CACNA1C: variants seen among roughly 807,000 people sequenced by gnomAD.
CACNA1C encodes voltage-dependent L-type calcium channel subunit alpha-1C.
In CACNA1C, 30 loss-of-function variants were observed where a neutral mutation model predicts 229.0. The observed-to-expected ratio is 0.13, with a 90% CI of 0.10 to 0.18. The LOEUF (loss-of-function observed/expected upper bound fraction) is 0.18, where lower values mean the gene tolerates loss of function less well. Among genes scored for constraint, CACNA1C ranks in the 10% least tolerant of loss-of-function variants. The pLI is 1.00. For synonymous variants in CACNA1C, 1,114 were observed against 1,132.5 expected, an observed-to-expected ratio of 0.98 and a Z score of 0.33; for missense variants, 1,658 against 2,845.0, an observed-to-expected ratio of 0.58 and a Z score of 9.49.
At chr12:2,109,212 C>T (rs2080580777) in intron 1 of CACNA1C, among the ~76,000 whole-genome samples, 2 of 152,180 alleles carry the variant, frequency 1.3e-5, no homozygotes, top group South Asian at 4.1e-4. Context: ...CCTTTTCCTA[C>T]TCACGGCTGA....
At chr12:2,151,977 AC>A (rs1203911461) in intron 3 of CACNA1C, among the ~76,000 whole-genome samples, 1 of 152,356 alleles carries the variant, frequency 6.6e-6, no homozygotes, top group African/African-American at 2.4e-5. Flanking sequence ...TGGATGACTT[AC>A]AGTCAGCCTA....
intron 11 of CACNA1C, among the ~76,000 whole-genome samples, chr12:2,559,454 G>T (rs1416251821): frequency 6.6e-6 from 1 of 152,216 alleles, no homozygotes; most frequent in Admixed American, 6.5e-5. Context: ...TAAACCTCTG[G>T]AGTCTCCCTC....
chr12:2,604,628 C>T (rs1001331605), intron 22 of CACNA1C, among the ~76,000 whole-genome samples: 4 of 152,152 alleles, frequency 2.6e-5, no homozygotes, highest in Non-Finnish European at 5.9e-5. Flanking sequence ...CTTATTTAAC[C>T]CTTGCAAAGA....
intron 3 of CACNA1C, among the ~76,000 whole-genome samples, chr12:2,444,019 A>G (rs1469609229): frequency 6.6e-6 from 1 of 152,186 alleles, no homozygotes; most frequent in South Asian, 2.1e-4. Context: ...ACGTTTCAAC[A>G]ATAGGCAGCT....
chr12:2,638,696 AAC>A (rs796834276), intron 30 of CACNA1C, among the ~76,000 whole-genome samples: 48 of 152,338 alleles, frequency 3.2e-4, no homozygotes, highest in African/African-American at 1.1e-3. Flanking sequence ...AAGCAAAATT[AAC>A]AGTGTTTCCT....
chr12:2,127,558 G>C (rs939052032), intron 3 of CACNA1C, among the ~76,000 whole-genome samples: 1 of 152,230 alleles, frequency 6.6e-6, no homozygotes, highest in African/African-American at 2.4e-5. Context: ...CATAGCTACT[G>C]TATCATGTAC....
chr12:2,008,383 C>T (rs2043843209), intron 1 of CACNA1C, among the ~76,000 whole-genome samples: 2 of 152,020 alleles, frequency 1.3e-5, no homozygotes, highest in Admixed American at 6.6e-5. Context: ...CTATGTTGCT[C>T]AGGATGGAGA....
intron 3 of CACNA1C, among the ~76,000 whole-genome samples, chr12:2,447,605 A>G (rs997591026): frequency 6.6e-6 from 1 of 152,198 alleles, no homozygotes; most frequent in African/African-American, 2.4e-5. Flanking sequence ...CTACATGCCC[A>G]GGGGATTGTG....
intron 45 of CACNA1C, among the ~76,000 whole-genome samples, chr12:2,687,782 G>A (rs559592023): frequency 1.6e-3 from 239 of 152,272 alleles, no homozygotes; most frequent in Non-Finnish European, 3.0e-3. Context: ...CAGGTGATCT[G>A]CCCGCCTTGG....
chr12:2,537,077 G>C (rs2154587036), intron 9 of CACNA1C, among the ~76,000 whole-genome samples: 1 of 152,280 alleles, frequency 6.6e-6, no homozygotes, highest in Admixed American at 6.5e-5. Flanking sequence ...CGGCAGGGAG[G>C]CCCTGGGCAG....
chr12:2,230,251 C>A (rs1215635491), intron 3 of CACNA1C, among the ~76,000 whole-genome samples: 1 of 152,114 alleles, frequency 6.6e-6, no homozygotes, highest in Non-Finnish European at 1.5e-5. Flanking sequence ...GGTCAGAGGT[C>A]GGGAAGGGCG....
At chr12:2,443,246 C>T (rs1449985488) in intron 3 of CACNA1C, among the ~76,000 whole-genome samples, 2 of 152,080 alleles carry the variant, frequency 1.3e-5, no homozygotes, top group African/African-American at 2.4e-5. Flanking sequence ...TTTCCTGTTC[C>T]AAAAGGGAGA....
At chr12:2,065,115 C>T (rs1045500023) in intron 1 of CACNA1C, among the ~76,000 whole-genome samples, 1 of 152,210 alleles carries the variant, frequency 6.6e-6, no homozygotes, top group African/African-American at 2.4e-5. Flanking sequence ...GAATGTTGCA[C>T]AGCATTTCTC....
intron 3 of CACNA1C, among the ~76,000 whole-genome samples, chr12:2,254,106 G>A (rs1248936142): frequency 1.3e-5 from 2 of 152,166 alleles, no homozygotes; most frequent in Non-Finnish European, 2.9e-5. Context: ...CTTATTTAAA[G>A]TAAAACTTGA....
chr12:2,336,367 C>T (rs779107878), intron 3 of CACNA1C, among the ~76,000 whole-genome samples: 1 of 152,124 alleles, frequency 6.6e-6, no homozygotes, highest in Non-Finnish European at 1.5e-5. Context: ...TTTTATGTTA[C>T]ACATTGGGCA....
chr12:2,507,001 T>C (rs2099773289), intron 8 of CACNA1C, among the ~76,000 whole-genome samples: 1 of 152,180 alleles, frequency 6.6e-6, no homozygotes, highest in Non-Finnish European at 1.5e-5. Context: ...GAAGGCCATA[T>C]CTTGGCTGAC....
intron 3 of CACNA1C, among the ~76,000 whole-genome samples, chr12:2,396,193 A>C (rs1322575975): frequency 6.6e-6 from 1 of 152,078 alleles, no homozygotes; most frequent in Non-Finnish European, 1.5e-5. Flanking sequence ...CTGGGGTTCT[A>C]TCTGTGCCAA....
chr12:2,605,537 CATGTGACTTTGGGA>C lies in CACNA1C; in HGVS notation c.3049-141_3049-128del. The C allele has an allele frequency of 1.5e-6, 1 of 686,436 alleles. No individual in the cohort carries two copies. The highest frequency in any genetic ancestry group is 2.7e-6 in the Non-Finnish European group (1 of 376,428). 42.5% of individuals were successfully genotyped at this position (686,436 alleles called of 1,614,324 possible). A position where few individuals can be genotyped will look rare whatever the true frequency, so the allele number is the denominator to read the frequency against. On this transcript the variant is annotated intron_variant, in intron 23 of 46. Coordinates refer to ENST00000399655, the MANE Select transcript of CACNA1C (RefSeq NM_000719.7). This position sits in a 1 kb window ranked among gnomAD's most constrained non-coding sequence, Gnocchi z 6.2. ...CATCCCATTAGGGTCCATCACTTCCCATGTGACTTTGGGAGCGTGGCTTTGCCCCTCTCAGCCCA... is the reference window on the plus strand; with the variant it reads ...CATCCCATTAGGGTCCATCACTTCCCGCGTGGCTTTGCCCCTCTCAGCCCA...
At chr12:2,206,838 A>T (rs1278024655) in intron 3 of CACNA1C, among the ~76,000 whole-genome samples, 1 of 152,212 alleles carries the variant, frequency 6.6e-6, no homozygotes, top group African/African-American at 2.4e-5. Context: ...TCCCACATGA[A>T]TGTGTTCCTG....
Sources: gnomAD v4.1 joint callset for allele counts (sites outside exome capture counted in the v4.1 genomes callset) on GRCh38, gnomAD v4.1.1 for gene constraint, Gnocchi (gnomAD v3.1) non-coding constraint, MANE v1.5 for transcripts, NCBI Gene and HGNC (gene_info 2026-07-23, HGNC 2026-07-21) for gene names.